The following AGMO variants were observed in gnomAD, a reference collection of about 807,000 sequenced individuals.
The protein encoded by AGMO is alkylglycerol monooxygenase.
A neutral mutation model predicts 60.2 loss-of-function variants in AGMO; 75 were observed. The ratio of observed to expected loss-of-function variants is 1.25; its 90% CI spans 1.03 to 1.51. The LOEUF (loss-of-function observed/expected upper bound fraction) is 1.51, where lower values mean the gene tolerates loss of function less well. Among genes scored for constraint, AGMO ranks in the 40% most tolerant of loss-of-function variants. The pLI, the probability that AGMO is intolerant of heterozygous loss-of-function variation, is 0.00. For missense variants in AGMO, 763 were observed against 525.5 expected (o/e 1.45, Z -4.42); for synonymous variants, 261 against 177.1 (o/e 1.47, Z -3.76).
At chr7:15,238,356 G>T (rs572716578) in intron 12 of AGMO, among the ~76,000 whole-genome samples, 2 of 151,846 alleles carry the variant, frequency 1.3e-5, no homozygotes, top group Admixed American at 1.3e-4. Context: ...AGTTCCAGGT[G>T]AAAATTATAG....
chr7:15,382,587 C>T (rs1012658635), intron 10 of AGMO, among the ~76,000 whole-genome samples: 4 of 152,066 alleles, frequency 2.6e-5, no homozygotes, highest in African/African-American at 9.7e-5. Context: ...AATTTGCTGC[C>T]TTTGGTCAAA....
chr7:15,418,418 A>T (rs1311455134), intron 5 of AGMO, 140 bp downstream of exon 5: 1 of 602,424 alleles, frequency 1.7e-6, no homozygotes, highest in East Asian at 3.1e-5. Context: ...CTAAAAACGA[A>T]TAAAAATGAA....
the AGMO span, among the ~76,000 whole-genome samples, chr7:15,176,537 T>C: frequency 1.2e-4 from 18 of 151,950 alleles, no homozygotes; most frequent in African/African-American, 4.3e-4. Flanking sequence ...CCCTGCTTTA[T>C]TGAGGTTATT....
chr7:15,427,609 C>G (rs1781103413), intron 4 of AGMO, among the ~76,000 whole-genome samples: 1 of 151,980 alleles, frequency 6.6e-6, no homozygotes, highest in Non-Finnish European at 1.5e-5. Context: ...TCTATAATGT[C>G]AGAAAAAATG....
intron 12 of AGMO, among the ~76,000 whole-genome samples, chr7:15,365,111 T>C (rs868363572): frequency 1.3e-5 from 2 of 151,942 alleles, no homozygotes; most frequent in African/African-American, 4.8e-5. Context: ...TTACAGGTAA[T>C]TGACAAGGAA....
At chr7:15,315,328 CTTTTTTT>C (rs1178276622) in intron 12 of AGMO, among the ~76,000 whole-genome samples, 581 of 48,114 alleles carry the variant, frequency 0.012, 4 homozygotes, top group African/African-American at 0.041. Flanking sequence ...TGGATATTTG[CTTTTTTT>C]TTTTTTTTTT....
chr7:15,356,791 A>C (rs898860516), intron 12 of AGMO, among the ~76,000 whole-genome samples: 2 of 151,902 alleles, frequency 1.3e-5, no homozygotes, highest in Non-Finnish European at 2.9e-5. Context: ...ACTACTTATA[A>C]ATGCAAACTT....
At chr7:15,449,149 A>G (rs1478513371) in intron 3 of AGMO, among the ~76,000 whole-genome samples, 1 of 152,222 alleles carries the variant, frequency 6.6e-6, no homozygotes, top group African/African-American at 2.4e-5. Flanking sequence ...AAGGTAAACA[A>G]TAAAAAATAG....
At chr7:15,377,991 GT>G (rs1289647845) in intron 10 of AGMO, among the ~76,000 whole-genome samples, 1 of 151,940 alleles carries the variant, frequency 6.6e-6, no homozygotes, top group Non-Finnish European at 1.5e-5. Context: ...AATAAACCTG[GT>G]ACACTATGCA....
intron 12 of AGMO, among the ~76,000 whole-genome samples, chr7:15,233,707 G>T (rs1056275552): frequency 6.6e-6 from 1 of 152,144 alleles, no homozygotes; most frequent in Non-Finnish European, 1.5e-5. Context: ...GCAGTATGTA[G>T]TTGGGCACAT....
At chr7:15,180,739 G>A in the AGMO span, among the ~76,000 whole-genome samples, 16 of 152,274 alleles carry the variant, frequency 1.1e-4, no homozygotes, top group East Asian at 1.4e-3. Context: ...GTTTGTAACA[G>A]CAGCAGCCCT....
intron 10 of AGMO, among the ~76,000 whole-genome samples, chr7:15,373,598 A>G (rs1332777812): frequency 6.6e-6 from 1 of 152,146 alleles, no homozygotes; most frequent in Non-Finnish European, 1.5e-5. Context: ...CTTAGGGGTC[A>G]ATACAACCTC....
intron 3 of AGMO, among the ~76,000 whole-genome samples, chr7:15,445,503 A>C (rs1781677510): frequency 6.6e-6 from 1 of 152,156 alleles, no homozygotes; most frequent in African/African-American, 2.4e-5. Flanking sequence ...TTAACCATTT[A>C]CAGGATGCCA....
intron 9 of AGMO, 43 bp from the exon 10 acceptor site, chr7:15,385,605 AT>A: frequency 9.0e-7 from 1 of 1,116,222 alleles, no homozygotes; most frequent in Non-Finnish European, 1.3e-6. Context: ...CTCCAGACTC[AT>A]TTTTCTTACT....
chr7:15,382,466 C>T (rs767000889), intron 10 of AGMO, among the ~76,000 whole-genome samples: 3 of 151,996 alleles, frequency 2.0e-5, no homozygotes, highest in African/African-American at 7.2e-5. Flanking sequence ...GTGGGCATGT[C>T]CTGAAAAATG....
intron 12 of AGMO, among the ~76,000 whole-genome samples, chr7:15,213,485 A>C (rs921669568): frequency 6.6e-6 from 1 of 151,970 alleles, no homozygotes; most frequent in Non-Finnish European, 1.5e-5. Context: ...AGGAAAATTT[A>C]AATTTATAAT....
chr7:15,263,066 A>C (rs191207876), intron 12 of AGMO, among the ~76,000 whole-genome samples: 6 of 152,276 alleles, frequency 3.9e-5, no homozygotes, highest in Admixed American at 1.3e-4. Context: ...AACAAAAACA[A>C]AGATAAATAG....
chr7:15,234,877 A>G (rs1428964624), intron 12 of AGMO, among the ~76,000 whole-genome samples: 3 of 152,148 alleles, frequency 2.0e-5, no homozygotes, highest in Non-Finnish European at 4.4e-5. Context: ...TGTGCAGTAC[A>G]AAAACAAAAG....
the AGMO span, among the ~76,000 whole-genome samples, chr7:15,152,189 G>T: frequency 9.9e-5 from 15 of 151,948 alleles, no homozygotes; most frequent in African/African-American, 3.6e-4. Context: ...AGTCTGTTTT[G>T]TGTGAAATAA....
Sources: allele counts gnomAD v4.1 joint callset (sites outside exome capture counted in the v4.1 genomes callset), GRCh38; gene constraint gnomAD v4.1.1; transcripts MANE v1.5; gene names NCBI Gene and HGNC (gene_info 2026-07-23, HGNC 2026-07-21).